Variants in FYB1 observed in about 807,000 individuals in gnomAD.
FYB1 encodes FYN binding protein 1, also known as FYN-binding protein 1.
In FYB1, 41 loss-of-function variants were observed where a neutral mutation model predicts 94.1. That is an observed-to-expected ratio of 0.44 (90% CI 0.34 to 0.57). The LOEUF (loss-of-function observed/expected upper bound fraction) is 0.57. FYB1 is among the 20% of genes least tolerant of loss of function. FYB1 has a pLI of 0.02. For missense variants in FYB1, 1,050 were observed against 976.8 expected (o/e 1.07, Z -1.00); for synonymous variants, 367 against 353.2 (o/e 1.04, Z -0.44).
At chr5:39,237,662 A>G (rs942359233) in intron 1 of FYB1, among the ~76,000 whole-genome samples, 5 of 152,154 alleles carry the variant, frequency 3.3e-5, no homozygotes, top group Non-Finnish European at 5.9e-5. Context: ...TCAAGACAAA[A>G]TGAGAGATAC....
intron 1 of FYB1, among the ~76,000 whole-genome samples, chr5:39,210,818 C>G (rs977397160): frequency 2.0e-5 from 3 of 152,140 alleles, no homozygotes; most frequent in African/African-American, 7.2e-5. Context: ...TGAGTTCATC[C>G]TAAGCAACGT....
At chr5:39,262,838 T>C (rs569188414) in intron 1 of FYB1, among the ~76,000 whole-genome samples, 4 of 151,928 alleles carry the variant, frequency 2.6e-5, no homozygotes, top group Admixed American at 2.6e-4. Context: ...CAATACTATA[T>C]GTTTGGAGAT....
At position 39,122,468 on chromosome 5, in the gene FYB1, T is replaced by C. The variant is rs992838327; in HGVS notation, c.2072-66A>G. On this transcript the variant is annotated intron_variant, in intron 13 of 18. Transcript: ENST00000512982. ...TTTAGATTTTGATATGAGCATTCAA[T>C]GATGTTTTTAATATAAAGATTGCTT... The C allele has an allele frequency of 8.5e-6, 8 of 938,850 alleles. No individual in the cohort carries two copies. In the East Asian group the frequency reaches 2.1e-4, roughly 25 times the overall value. The allele number at this position is 938,850 out of a possible 1,614,324, so 58.2% of individuals were successfully genotyped here.
intron 1 of FYB1, among the ~76,000 whole-genome samples, chr5:39,227,351 G>A (rs1446752189): frequency 6.6e-6 from 1 of 152,122 alleles, no homozygotes; most frequent in South Asian, 2.1e-4. Flanking sequence ...TTTTTCATAG[G>A]GGATGCCAAT....
intron 2 of FYB1, among the ~76,000 whole-genome samples, chr5:39,177,242 A>C (rs564584681): frequency 1.3e-5 from 2 of 152,258 alleles, no homozygotes; most frequent in East Asian, 3.9e-4. Context: ...TAACCTCCAA[A>C]GTTTATTGTT....
At chr5:39,186,173 A>T (rs74640461) in intron 2 of FYB1, among the ~76,000 whole-genome samples, 3,019 of 152,246 alleles carry the variant, frequency 0.02, 103 homozygotes, top group African/African-American at 0.068. Context: ...AAAAGGCAAC[A>T]CACACACTTT....
chr5:39,162,098 T>A (rs189170281), intron 2 of FYB1, among the ~76,000 whole-genome samples: 38 of 152,298 alleles, frequency 2.5e-4, no homozygotes, highest in African/African-American at 8.9e-4. Context: ...GATGAACATT[T>A]AAGTTGTTTC....
At chr5:39,190,742 ATGAC>A (rs774955155) in intron 2 of FYB1, among the ~76,000 whole-genome samples, 2 of 150,926 alleles carry the variant, frequency 1.3e-5, no homozygotes, top group South Asian at 2.1e-4. Context: ...TTTTTGAAAA[ATGAC>A]TGAGGAGCAA....
chr5:39,188,146 C>A (rs910052137), intron 2 of FYB1, among the ~76,000 whole-genome samples: 1 of 152,098 alleles, frequency 6.6e-6, no homozygotes, highest in Non-Finnish European at 1.5e-5. Flanking sequence ...CCTCAGGAAC[C>A]CTTGGACCTC....
upstream of FYB1, among the ~76,000 whole-genome samples, chr5:39,223,255 A>G (rs574606284): frequency 7.9e-5 from 12 of 152,210 alleles, no homozygotes; most frequent in Non-Finnish European, 1.6e-4. Flanking sequence ...GACTTTTAAG[A>G]CACCGTATAG....
chr5:39,235,792 A>G (rs1484582772), intron 1 of FYB1, among the ~76,000 whole-genome samples: 1 of 152,078 alleles, frequency 6.6e-6, no homozygotes, highest in African/African-American at 2.4e-5. Flanking sequence ...GCCATAAATG[A>G]AATCAAACGT....
In FYB1 at chr5:39,270,744, C is replaced by T. The variant is rs1752640191; in HGVS notation, c.-28+3659G>A. 4 of 504,762 alleles carry T rather than the reference C, an allele frequency of 7.9e-6. No individual in the cohort carries two copies. In the South Asian group the frequency reaches 1.2e-4, roughly 15 times the overall value. 31.3% of individuals were successfully genotyped at this position (504,762 alleles called of 1,614,324 possible). On this transcript the variant is annotated intron_variant, in intron 1 of 1. Transcript: ENST00000510188. ...GCTACATTTGCATGTTATCTCAACC[C>T]TCAGAGCATTTGTATAGCTGGCCAG...
chr5:39,128,142 G>C (rs1160965510), intron 10 of FYB1, among the ~76,000 whole-genome samples: 1 of 152,092 alleles, frequency 6.6e-6, no homozygotes, highest in East Asian at 1.9e-4. Flanking sequence ...TAGCTAACTA[G>C]TTAATGGTGA....
intron 2 of FYB1, among the ~76,000 whole-genome samples, chr5:39,199,512 T>C (rs1748131213): frequency 6.6e-6 from 1 of 152,218 alleles, no homozygotes; most frequent in Non-Finnish European, 1.5e-5. Context: ...ACCCATTTAC[T>C]GAAGTATTAT....
intron 2 of FYB1, among the ~76,000 whole-genome samples, chr5:39,193,900 C>A (rs760717729): frequency 1.3e-5 from 2 of 152,278 alleles, no homozygotes; most frequent in South Asian, 2.1e-4. Context: ...GAACTCAAAT[C>A]GCAATTCTGA....
intron 1 of FYB1, among the ~76,000 whole-genome samples, chr5:39,265,409 G>A (rs113213472): frequency 0.072 from 11,011 of 151,992 alleles, 554 homozygotes; most frequent in Middle Eastern, 0.15. Flanking sequence ...GCGTGAACCC[G>A]GGAGGCGGAG....
intron 14 of FYB1, among the ~76,000 whole-genome samples, chr5:39,121,183 C>G (rs1481706046): frequency 1.7e-5 from 1 of 57,672 alleles, no homozygotes; most frequent in Non-Finnish European, 3.3e-5. Flanking sequence ...TAATGTAAAG[C>G]AAAAAAAAAA....
At chr5:39,201,753 CT>C (rs1318604174) in intron 2 of FYB1, 72 bp downstream of exon 2, 5 of 1,356,876 alleles carry the variant, frequency 3.7e-6, no homozygotes, top group African/African-American at 1.5e-5. Flanking sequence ...TGTTACAAAA[CT>C]TTCCCCAGAA....
At chr5:39,134,077 T>A in intron 9 of FYB1, 131 bp downstream of exon 9, 1 of 600,570 alleles carries the variant, frequency 1.7e-6, no homozygotes. Context: ...TTGGGGTTAT[T>A]GTAAGTGGTC....
Sources: allele counts gnomAD v4.1 joint callset (sites outside exome capture counted in the v4.1 genomes callset), GRCh38; gene constraint gnomAD v4.1.1; transcripts MANE v1.5; gene names NCBI Gene and HGNC (gene_info 2026-07-23, HGNC 2026-07-21).